PID1: variants seen among roughly 807,000 people sequenced by gnomAD.
PID1 encodes the protein phosphotyrosine interaction domain containing 1.
A neutral mutation model predicts 19.1 loss-of-function variants in PID1; 10 were observed. The observed-to-expected ratio is 0.52, with a 90% CI of 0.32 to 0.89. The LOEUF (loss-of-function observed/expected upper bound fraction) is 0.89. Among genes scored for constraint, PID1 ranks in the 40% least tolerant of loss-of-function variants. PID1 has a pLI of 0.03. For synonymous variants in PID1, 130 were observed against 116.0 expected, an observed-to-expected ratio of 1.12 and a Z score of -0.78; for missense variants, 248 against 285.3, an observed-to-expected ratio of 0.87 and a Z score of 0.94.
At chr2:229,232,208 A>C in intron 1 of PID1, 3 of 1,215,488 alleles carry the variant, frequency 2.5e-6, no homozygotes, top group Non-Finnish European at 3.3e-6. Flanking sequence ...CAGATCATGA[A>C]GTCAGGAGAT....
At chr2:229,071,273 A>G (rs1301521990) in intron 2 of PID1, among the ~76,000 whole-genome samples, 2 of 152,230 alleles carry the variant, frequency 1.3e-5, no homozygotes, top group African/African-American at 4.8e-5. Context: ...AGTCCATGGT[A>G]TCACCTCATA....
chr2:229,067,129 G>A (rs576915033), intron 2 of PID1, among the ~76,000 whole-genome samples: 15 of 151,966 alleles, frequency 9.9e-5, no homozygotes, highest in South Asian at 4.2e-4. Flanking sequence ...GAGAAGTGCC[G>A]AGCAAAAAGG....
At chr2:229,246,722 C>A (rs1183127481) in intron 1 of PID1, among the ~76,000 whole-genome samples, 2 of 152,204 alleles carry the variant, frequency 1.3e-5, no homozygotes, top group African/African-American at 4.8e-5. Flanking sequence ...AATCCTTCAA[C>A]TGAAGCAAAA....
rs186398474 is a variant in PID1, at chr2:229,256,712, T to A, written c.30+14302A>T. ...TTATTCACATGGCTGTAAAGTTCTA[T>A]GCTTTTATTCCTAGGGTACCCTTGG... On this transcript the variant is annotated intron_variant, in intron 1 of 2. Transcript: ENST00000392055. Among the ~76,000 whole-genome samples, 211 of 152,348 alleles carry A rather than the reference T, an allele frequency of 1.4e-3. 1 individual carries two copies. Among genetic ancestry groups the A allele is most frequent in the African/African-American group, 4.9e-3 (205 of 41,574 alleles).
chr2:229,106,927 G>T (rs1057511225), intron 2 of PID1, among the ~76,000 whole-genome samples: 1 of 152,064 alleles, frequency 6.6e-6, no homozygotes, highest in South Asian at 2.1e-4. Flanking sequence ...TTGGAAACAG[G>T]GTCTTTGCAG....
At chr2:229,096,858 C>T (rs898406276) in intron 2 of PID1, among the ~76,000 whole-genome samples, 1 of 152,096 alleles carries the variant, frequency 6.6e-6, no homozygotes, top group South Asian at 2.1e-4. Context: ...AGTTGGATCT[C>T]AAGACAAGGG....
At chr2:229,177,423 T>A (rs971982643) in intron 1 of PID1, among the ~76,000 whole-genome samples, 5 of 152,244 alleles carry the variant, frequency 3.3e-5, no homozygotes, top group Admixed American at 3.3e-4. Flanking sequence ...AATTGTTACG[T>A]GAATTATTCC....
At chr2:229,150,600 A>C (rs977079707) in intron 2 of PID1, among the ~76,000 whole-genome samples, 26 of 152,236 alleles carry the variant, frequency 1.7e-4, no homozygotes, top group African/African-American at 6.0e-4. Context: ...CCTCATGCTC[A>C]GAAATTAGCA....
In PID1 at chr2:229,241,420, C is replaced by A. The variant is rs567167740; in HGVS notation, c.30+29594G>T. 2.6e-5 allele frequency among the ~76,000 whole-genome samples: 4 copies of A among 152,194 alleles called. No individual in the cohort carries two copies. The South Asian group carries it at 8.3e-4, about 32-fold the overall frequency. On this transcript the variant is annotated intron_variant, in intron 1 of 2. Transcript: ENST00000392055. ...ACAGTTTGGTAGGCTAGGTCTGTTT[C>A]CATTTTGCCCTCAGTCCAACAGAAA...
chr2:229,041,805 A>G (rs563480279), intron 2 of PID1, among the ~76,000 whole-genome samples: 4 of 152,202 alleles, frequency 2.6e-5, no homozygotes, highest in African/African-American at 9.6e-5. Context: ...GGAAATGTTG[A>G]ACAAATCCAA....
intron 1 of PID1, among the ~76,000 whole-genome samples, chr2:229,260,907 T>C (rs897661891): frequency 4.0e-5 from 6 of 150,716 alleles, no homozygotes; most frequent in Non-Finnish European, 8.8e-5. Flanking sequence ...TTCCACACTA[T>C]TATAGATTAA....
chr2:229,269,398 G>A (rs1283036499), intron 1 of PID1, among the ~76,000 whole-genome samples: 1 of 152,232 alleles, frequency 6.6e-6, no homozygotes, highest in Non-Finnish European at 1.5e-5. Flanking sequence ...ATGCTCCAGA[G>A]CGCACAGGAT....
Position 229,214,504 on chromosome 2 carries a change from G to C in PID1, c.30+56510C>G, listed in dbSNP as rs541426006. On this transcript the variant is annotated intron_variant, in intron 1 of 2. Coordinates refer to ENST00000392055, the MANE Select transcript of PID1 (RefSeq NM_001100818.2). ...AACAAATCTACAAGTATTTGGATTT[G>C]AAAAAACAGGATTCTAGAATCAGAT... 1.3e-4 allele frequency among the ~76,000 whole-genome samples: 20 copies of C among 152,106 alleles called. No homozygotes were observed. In the East Asian group the frequency reaches 3.7e-3, roughly 28 times the overall value.
chr2:229,192,313 T>C (rs1353723037), intron 1 of PID1, among the ~76,000 whole-genome samples: 1 of 152,164 alleles, frequency 6.6e-6, no homozygotes, highest in Non-Finnish European at 1.5e-5. Context: ...CTACACTTTC[T>C]AGTATGACTT....
chr2:229,077,651 C>T (rs770966955), intron 2 of PID1, among the ~76,000 whole-genome samples: 7 of 152,138 alleles, frequency 4.6e-5, no homozygotes, highest in Non-Finnish European at 1.0e-4. Flanking sequence ...AATCCTCTCC[C>T]AATTGCTTGT....
chr2:229,095,648 C>G (rs1453835056), intron 2 of PID1, among the ~76,000 whole-genome samples: 1 of 152,098 alleles, frequency 6.6e-6, no homozygotes, highest in South Asian at 2.1e-4. Flanking sequence ...TACAAAGATA[C>G]TCATTATAGA....
At chr2:229,046,168 G>A (rs1241564707) in intron 2 of PID1, among the ~76,000 whole-genome samples, 3 of 152,010 alleles carry the variant, frequency 2.0e-5, no homozygotes, top group South Asian at 4.2e-4. Context: ...TCTTTAACTA[G>A]TAGATTGTAT....
intron 1 of PID1, among the ~76,000 whole-genome samples, chr2:229,260,488 G>GTA (rs1309789314): frequency 5.3e-5 from 8 of 149,990 alleles, no homozygotes; most frequent in East Asian, 3.9e-4. Context: ...ATGTATATAT[G>GTA]TATATATATG....
chr2:229,224,113 T>G (rs1431317851), intron 1 of PID1, among the ~76,000 whole-genome samples: 1 of 152,232 alleles, frequency 6.6e-6, no homozygotes, highest in Non-Finnish European at 1.5e-5. Flanking sequence ...GGACAGGATT[T>G]CATTCATTTG....
Sources: allele counts gnomAD v4.1 joint callset (sites outside exome capture counted in the v4.1 genomes callset), GRCh38; gene constraint gnomAD v4.1.1; transcripts MANE v1.5; gene names NCBI Gene and HGNC (gene_info 2026-07-23, HGNC 2026-07-21).